CCDC102B: variants seen among roughly 807,000 people sequenced by gnomAD.
The protein encoded by CCDC102B is coiled-coil domain-containing protein 102B.
Under a neutral mutation model 57.4 loss-of-function variants are expected in CCDC102B, and 75 were observed. The ratio of observed to expected loss-of-function variants is 1.31; its 90% CI spans 1.08 to 1.58. The LOEUF is 1.58. Among genes scored for constraint, CCDC102B ranks in the 40% most tolerant of loss-of-function variants. The probability of loss-of-function intolerance (pLI) is 0.00; values close to 1 mark genes in which losing one functional copy is unlikely to be tolerated. For synonymous variants in CCDC102B, 206 were observed against 201.9 expected (o/e 1.02, Z -0.17); for missense variants, 636 against 582.6 (o/e 1.09, Z -0.94).
chr18:68,900,433 T>C (rs2040407331), intron 6 of CCDC102B, among the ~76,000 whole-genome samples: 1 of 152,110 alleles, frequency 6.6e-6, no homozygotes. Flanking sequence ...CACCTGTCCT[T>C]ATTGGACTAA....
At chr18:68,720,855 T>G (rs1283383874) in intron 2 of CCDC102B, among the ~76,000 whole-genome samples, 8 of 152,128 alleles carry the variant, frequency 5.3e-5, no homozygotes, top group African/African-American at 1.9e-4. Context: ...GAGGGTGGCT[T>G]GAGGTCAGGA....
chr18:68,825,998 T>G (rs2036890181), intron 1 of CCDC102B, among the ~76,000 whole-genome samples: 1 of 152,248 alleles, frequency 6.6e-6, no homozygotes, highest in Non-Finnish European at 1.5e-5. Flanking sequence ...TAATATATAC[T>G]AATGAAAACC....
chr18:68,884,251 T>C (rs1323851776), intron 5 of CCDC102B, among the ~76,000 whole-genome samples: 4 of 152,040 alleles, frequency 2.6e-5, no homozygotes, highest in African/African-American at 7.2e-5. Flanking sequence ...AGTCAAGATA[T>C]AGAAACAACC....
chr18:68,724,067 T>C (rs986957821), intron 2 of CCDC102B, among the ~76,000 whole-genome samples: 3 of 152,190 alleles, frequency 2.0e-5, no homozygotes, highest in Admixed American at 6.5e-5. Context: ...CTTAACACCA[T>C]GTGGAAGCTG....
intron 1 of CCDC102B, among the ~76,000 whole-genome samples, chr18:68,804,707 T>C (rs1299653765): frequency 2.0e-5 from 3 of 152,142 alleles, no homozygotes; most frequent in Non-Finnish European, 4.4e-5. Context: ...AGATTTGCAA[T>C]GTAGAAGTCA....
intron 5 of CCDC102B, among the ~76,000 whole-genome samples, chr18:68,889,065 C>A (rs546842008): frequency 2.1e-4 from 31 of 148,802 alleles, no homozygotes; most frequent in Non-Finnish European, 4.2e-4. Flanking sequence ...CTCTATTTAA[C>A]ATTATAGATT....
chr18:69,023,912 A>G (rs1283640336), intron 7 of CCDC102B, among the ~76,000 whole-genome samples: 1 of 152,086 alleles, frequency 6.6e-6, no homozygotes, highest in Non-Finnish European at 1.5e-5. Flanking sequence ...ATTCCTGATG[A>G]ACCTTTTTAA....
intron 7 of CCDC102B, among the ~76,000 whole-genome samples, chr18:69,021,863 A>G (rs1345662968): frequency 6.6e-6 from 1 of 152,126 alleles, no homozygotes; most frequent in African/African-American, 2.4e-5. Context: ...TTTTAATCTA[A>G]CAATTCCAAT....
At position 69,054,381 on chromosome 18, in the gene CCDC102B, T is replaced by C; in HGVS notation, c.*244T>C. ...TTTAATTCTAAGATGTGTAAATATT[T>C]TGAAAGTCAAAAAGGGCTTTCAGAA... On this transcript the variant is annotated 3_prime_UTR_variant, in exon 8 of 8. Coordinates refer to ENST00000360242, the MANE Select transcript of CCDC102B (RefSeq NM_024781.3). The C allele has an allele frequency of 8.8e-7, 1 of 1,141,054 alleles. No homozygotes were observed. The allele number at this position is 1,141,054 out of a possible 1,614,324, so 70.7% of individuals were successfully genotyped here. A position where few individuals can be genotyped will look rare whatever the true frequency, so the allele number is the denominator to read the frequency against.
chr18:68,794,901 T>C (rs892905755), upstream of CCDC102B, among the ~76,000 whole-genome samples: 1 of 152,062 alleles, frequency 6.6e-6, no homozygotes, highest in Non-Finnish European at 1.5e-5. Context: ...TTCTCCATTT[T>C]CTGACCCTAA....
intron 2 of CCDC102B, among the ~76,000 whole-genome samples, chr18:68,764,657 A>C (rs2144595958): frequency 6.6e-6 from 1 of 152,312 alleles, no homozygotes; most frequent in African/African-American, 2.4e-5. Context: ...TTTGACCTCC[A>C]AATATTCAAG....
chr18:68,910,402 T>C (rs534373627), intron 6 of CCDC102B, among the ~76,000 whole-genome samples: 50 of 152,310 alleles, frequency 3.3e-4, no homozygotes, highest in African/African-American at 1.2e-3. Flanking sequence ...TTGGCAGATA[T>C]ACACTACAAT....
chr18:68,853,318 A>G (rs941106171), intron 4 of CCDC102B, among the ~76,000 whole-genome samples: 1 of 148,536 alleles, frequency 6.7e-6, no homozygotes, highest in African/African-American at 2.5e-5. Context: ...AAGAGTGAAT[A>G]TTCCAAATAA....
At chr18:68,812,338 CTT>C (rs1344386900) in intron 1 of CCDC102B, among the ~76,000 whole-genome samples, 4 of 151,974 alleles carry the variant, frequency 2.6e-5, no homozygotes, top group Non-Finnish European at 5.9e-5. Flanking sequence ...TGTGATGAAA[CTT>C]AATTCTCAAC....
At chr18:68,780,172 A>G (rs965537122) in intron 2 of CCDC102B, among the ~76,000 whole-genome samples, 6 of 151,990 alleles carry the variant, frequency 3.9e-5, no homozygotes, top group Admixed American at 2.6e-4. Flanking sequence ...AACTTTCTCA[A>G]TGTTTTAGCA....
At chr18:68,885,535 T>C (rs1198883160) in intron 5 of CCDC102B, among the ~76,000 whole-genome samples, 1 of 151,924 alleles carries the variant, frequency 6.6e-6, no homozygotes, top group African/African-American at 2.4e-5. Flanking sequence ...TGATCAGAAA[T>C]CAGAAACATT....
intron 5 of CCDC102B, among the ~76,000 whole-genome samples, chr18:68,882,296 A>G (rs1324204433): frequency 6.6e-6 from 1 of 152,230 alleles, no homozygotes; most frequent in African/African-American, 2.4e-5. Context: ...CTCTTTTCTT[A>G]CAATGACTTT....
At chr18:68,866,754 T>C (rs1426181734) in intron 4 of CCDC102B, 1 of 631,820 alleles carries the variant, frequency 1.6e-6, no homozygotes, top group Non-Finnish European at 3.1e-6. Flanking sequence ...TTGCTTTGAG[T>C]GCACGGGTCT....
chr18:68,846,280 G>T, intron 3 of CCDC102B, 33 bp from the exon 4 acceptor site: 2 of 1,372,104 alleles, frequency 1.5e-6, no homozygotes, highest in South Asian at 3.6e-5. Context: ...AATTGAAGCC[G>T]ACTTTTTTTC....
Sources: allele counts gnomAD v4.1 joint callset (sites outside exome capture counted in the v4.1 genomes callset), GRCh38; gene constraint gnomAD v4.1.1; transcripts MANE v1.5; gene names NCBI Gene and HGNC (gene_info 2026-07-23, HGNC 2026-07-21).